Variants in FBXO32 observed in about 807,000 individuals in gnomAD.
FBXO32 encodes the protein F-box only protein 32.
A neutral mutation model predicts 48.3 loss-of-function variants in FBXO32; 15 were observed. That is an observed-to-expected ratio of 0.31 (90% CI 0.21 to 0.48). The LOEUF (loss-of-function observed/expected upper bound fraction) is 0.48. FBXO32 is among the 20% of genes least tolerant of loss of function. FBXO32 has a pLI of 0.99. For missense variants in FBXO32, 309 were observed against 432.7 expected, an observed-to-expected ratio of 0.71 and a Z score of 2.54; for synonymous variants, 154 against 165.9, an observed-to-expected ratio of 0.93 and a Z score of 0.55.
chr8:123,521,706 C>T (rs1158223758), intron 4 of FBXO32, among the ~76,000 whole-genome samples: 1 of 152,000 alleles, frequency 6.6e-6, no homozygotes, highest in East Asian at 1.9e-4. Flanking sequence ...AATTCCTTAT[C>T]TCGTATAACA....
chr8:123,533,966 G>A (rs1817261410), intron 2 of FBXO32, among the ~76,000 whole-genome samples: 1 of 151,332 alleles, frequency 6.6e-6, no homozygotes, highest in Non-Finnish European at 1.5e-5. Flanking sequence ...GGTGGCAGGT[G>A]CTTGTAATCC....
At chr8:123,537,937 G>A (rs1161727811) in intron 1 of FBXO32, among the ~76,000 whole-genome samples, 2 of 152,204 alleles carry the variant, frequency 1.3e-5, no homozygotes, top group East Asian at 3.9e-4. Flanking sequence ...CGGTGAGGGG[G>A]TGGTTGCTGA....
Position 123,514,203 on chromosome 8 carries a change from C to T in FBXO32, c.466+37G>A, listed in dbSNP as rs745636612. 60 of 1,522,626 alleles carry T rather than the reference C, an allele frequency of 3.9e-5. No homozygotes were observed. In the Middle Eastern group the frequency reaches 5.1e-4, roughly 13 times the overall value. 94.3% of individuals were successfully genotyped at this position (1,522,626 alleles called of 1,614,324 possible). On this transcript the variant is annotated intron_variant, in intron 5 of 8. Coordinates refer to ENST00000517956, the MANE Select transcript of FBXO32 (RefSeq NM_058229.4). ...GAAAATCCATCTGCCCACCTCCATG[C>T]CTATAAAAAGGGGCGAGAGAGTGAG... is the stretch of plus-strand genomic sequence containing the variant.
chr8:123,514,363 T>C, intron 4 of FBXO32, 30 bp from the exon 5 acceptor site: 1 of 1,574,772 alleles, frequency 6.4e-7, no homozygotes, highest in African/African-American at 1.4e-5. Flanking sequence ...TTGCCAGGCT[T>C]AGAGTACAGA....
rs1229564357 is a variant in FBXO32, at chr8:123,540,900, T to C, written c.115A>G (p.Ser39Gly). 5 of 1,612,564 alleles carry C rather than the reference T, an allele frequency of 3.1e-6. No homozygotes were observed. The Admixed American group carries it at 8.3e-5, about 27-fold the overall frequency. The change falls in exon 1 of 9, where the codon AGT (serine) becomes GGT (glycine). Residue 39 changes from serine to glycine, a missense_variant and splice_region_variant. Ser to Gly is a moderately conservative substitution (Grantham distance 56). Coordinates refer to ENST00000517956, the MANE Select transcript of FBXO32 (RefSeq NM_058229.4). The surrounding 1 kb of genome is among the most constrained non-coding windows in gnomAD (Gnocchi z 6.4). ...GAAGTTGGTAGCGGGTCCCCTCACC[T>C]GCTGAGGTCGCTCACGAAACTGCCG... Reference protein sequence around the residue: ...KSGSFVSDLSSYCNKEVYNKE... With the variant: ...KSGSFVSDLSGYCNKEVYNKE...
At chr8:123,523,684 T>C (rs566460600) in intron 4 of FBXO32, among the ~76,000 whole-genome samples, 1 of 151,864 alleles carries the variant, frequency 6.6e-6, no homozygotes, top group South Asian at 2.1e-4. Context: ...TAGGTTTAGA[T>C]CCTGAGTCAT....
intron 6 of FBXO32, among the ~76,000 whole-genome samples, chr8:123,509,210 G>A (rs915047187): frequency 1.3e-5 from 2 of 152,108 alleles, no homozygotes; most frequent in Non-Finnish European, 2.9e-5. Flanking sequence ...ATTTTATGCT[G>A]GAAGGAGACT....
chr8:123,527,347 A>G (rs891819489), intron 4 of FBXO32: 3 of 152,240 alleles, frequency 2.0e-5, no homozygotes, highest in Non-Finnish European at 2.9e-5. Flanking sequence ...CAGATACTAA[A>G]TAACGGTTGC....
chr8:123,510,642 TCATCATTCATAATACAGGGC>T (rs1816717809), intron 6 of FBXO32, among the ~76,000 whole-genome samples: 1 of 152,044 alleles, frequency 6.6e-6, no homozygotes, highest in Non-Finnish European at 1.5e-5. Context: ...TAAATTATTA[TCATCATTCATAATACAGGGC>T]CATGTTTTCC....
In FBXO32 at chr8:123,534,693, A is replaced by C; in HGVS notation, c.229+9T>G. 6.3e-7 allele frequency: 1 copy of C among 1,591,320 alleles called. No homozygotes were observed. Among genetic ancestry groups the C allele is most frequent in the Non-Finnish European group, 8.6e-7 (1 of 1,160,552 alleles). On this transcript the variant is annotated intron_variant, in intron 2 of 8. Transcript: ENST00000517956. ...AGCTTTTTTCTGAAGTTCAAAACAA[A>C]TGGCTTACACTGAGTTTTGGTTTTG...
At chr8:123,526,784 A>T (rs1174064560) in intron 4 of FBXO32, among the ~76,000 whole-genome samples, 1 of 152,102 alleles carries the variant, frequency 6.6e-6, no homozygotes, top group Non-Finnish European at 1.5e-5. Context: ...ATTCATTCTC[A>T]TGGTGTCAGG....
rs1467609913 is a variant in FBXO32, at chr8:123,513,305, G to C, written c.544C>G (p.Gln182Glu). ...TLYTSLCTLV[Q>E]RVGKSVLVGN... ...ACCAGCACAGACTTGCCGACTCTTT[G>C]GACCAGTGTACATAAGGATGTGTAG... is the stretch of plus-strand genomic sequence containing the variant. The change falls in exon 6 of 9, where the codon CAA (glutamine) becomes GAA (glutamate). Residue 182 changes from glutamine (Q) to glutamate (E), a missense_variant. By Grantham distance (29) the Gln-to-Glu change is conservative. Transcript: ENST00000517956. This position sits in a 1 kb window ranked among gnomAD's most constrained non-coding sequence, Gnocchi z 4.3. The C allele has an allele frequency of 6.2e-7, 1 of 1,614,178 alleles. No individual in the cohort carries two copies. Among genetic ancestry groups the C allele is most frequent in the Admixed American group, 1.7e-5 (1 of 60,030 alleles).
intron 4 of FBXO32, 107 bp from the exon 5 acceptor site, chr8:123,514,440 G>A (rs1320193016): frequency 4.3e-6 from 3 of 699,260 alleles, no homozygotes; most frequent in Admixed American, 3.6e-5. Flanking sequence ...GACGGGGAGA[G>A]ATAAATGGCA....
rs2385275 is a variant in FBXO32, at chr8:123,499,895, G to A, written c.*3478C>T. ...CTACCTTACTGCCCAAGTGCTAGTAGAACCTGCTCTAGTGTTCAGAGTTTT... is the reference window on the plus strand; with the variant it reads ...CTACCTTACTGCCCAAGTGCTAGTAAAACCTGCTCTAGTGTTCAGAGTTTT... On this transcript the variant is annotated 3_prime_UTR_variant, in exon 9 of 9. Transcript: ENST00000517956. 4 of 152,210 alleles carry A rather than the reference G, an allele frequency of 2.6e-5. No individual in the cohort carries two copies. The highest frequency in any genetic ancestry group is 9.6e-5 in the African/African-American group (4 of 41,460). 9.4% of individuals were successfully genotyped at this position (152,210 alleles called of 1,614,324 possible). A position where few individuals can be genotyped will look rare whatever the true frequency, so the allele number is the denominator to read the frequency against.
At position 123,513,503 on chromosome 8, in the gene FBXO32, G is replaced by T; in HGVS notation, c.467-121C>A. The T allele has an allele frequency of 2.4e-6, 2 of 841,528 alleles. No individual in the cohort carries two copies. Among genetic ancestry groups the T allele is most frequent in the Non-Finnish European group, 3.6e-6 (2 of 549,914 alleles). The allele number at this position is 841,528 out of a possible 1,614,324, so 52.1% of individuals were successfully genotyped here. On this transcript the variant is annotated intron_variant, in intron 5 of 8. Transcript: ENST00000517956. The surrounding 1 kb of genome is among the most constrained non-coding windows in gnomAD (Gnocchi z 4.3). ...ACCCAGGCACTGCCTCTGGGGATAT[G>T]GTTTTCTTCCTCACCAGTGTTTATT...
At position 123,540,407 on chromosome 8, in the gene FBXO32, C is replaced by T. The variant is rs1817388223; in HGVS notation, c.116+492G>A. Reference sequence around the variant, plus strand: ...CGTGGTTGCCCGTGCCTGGGCAGGGCCTGGAAGCGCTCCAGGCGGGACCTT... The same window carrying T: ...CGTGGTTGCCCGTGCCTGGGCAGGGTCTGGAAGCGCTCCAGGCGGGACCTT... On this transcript the variant is annotated intron_variant, in intron 1 of 8. Transcript: ENST00000517956. The surrounding 1 kb of genome is among the most constrained non-coding windows in gnomAD (Gnocchi z 6.4). Among the ~76,000 whole-genome samples the T allele has an allele frequency of 6.6e-6, 1 of 152,246 alleles. No homozygotes were observed. The highest frequency in any genetic ancestry group is 6.5e-5 in the Admixed American group (1 of 15,292).
intron 8 of FBXO32, 118 bp downstream of exon 8, chr8:123,504,486 A>C: frequency 4.4e-6 from 3 of 677,790 alleles, no homozygotes; most frequent in South Asian, 5.8e-5. Flanking sequence ...CCTCACTTTC[A>C]GCTGGGGGCT....
At chr8:123,536,043 A>G (rs1817304124) in intron 1 of FBXO32, among the ~76,000 whole-genome samples, 1 of 152,220 alleles carries the variant, frequency 6.6e-6, no homozygotes, top group African/African-American at 2.4e-5. Flanking sequence ...TGTTATTAAT[A>G]CAATAGTCTC....
intron 6 of FBXO32, among the ~76,000 whole-genome samples, chr8:123,509,147 CA>C (rs1335750995): frequency 9.9e-5 from 15 of 151,768 alleles, no homozygotes; most frequent in Non-Finnish European, 2.2e-4. Context: ...ATTATTTTGC[CA>C]ATAAAAATTG....
Sources: gnomAD v4.1 joint callset for allele counts (sites outside exome capture counted in the v4.1 genomes callset) on GRCh38, gnomAD v4.1.1 for gene constraint, Gnocchi (gnomAD v3.1) non-coding constraint, MANE v1.5 for transcripts, NCBI Gene and HGNC (gene_info 2026-07-23, HGNC 2026-07-21) for gene names.